TNRC6B: variants seen among roughly 807,000 people sequenced by gnomAD.
The protein encoded by TNRC6B is trinucleotide repeat containing adaptor 6B, also known as trinucleotide repeat-containing gene 6B protein.
TNRC6B carries 52 observed loss-of-function variants against 203.6 expected under a neutral mutation model. The observed-to-expected ratio is 0.26, with a 90% CI of 0.20 to 0.32. The LOEUF is 0.32. TNRC6B is among the 10% of genes least tolerant of loss of function. The pLI, the probability that TNRC6B is intolerant of heterozygous loss-of-function variation, is 1.00. For synonymous variants in TNRC6B, 838 were observed against 845.7 expected (o/e 0.99, Z 0.16); for missense variants, 1,923 against 2,286.2 (o/e 0.84, Z 3.24).
At chr22:40,312,676 A>C in intron 18 of TNRC6B, 25 bp downstream of exon 18, 9 of 1,600,650 alleles carry the variant, frequency 5.6e-6, no homozygotes, top group Non-Finnish European at 7.7e-6. Flanking sequence ...CATCTCTTAT[A>C]TGTTCAACAC....
At chr22:40,105,159 T>C (rs1191880707) in intron 1 of TNRC6B, among the ~76,000 whole-genome samples, 1 of 152,220 alleles carries the variant, frequency 6.6e-6, no homozygotes, top group African/African-American at 2.4e-5. Context: ...AAGACAAGGC[T>C]GAGGATGAAG....
intron 4 of TNRC6B, 27 bp from the exon 5 acceptor site, chr22:40,264,661 T>G: frequency 6.5e-7 from 1 of 1,543,834 alleles, no homozygotes; most frequent in Non-Finnish European, 8.7e-7. Flanking sequence ...TTTGAAGCTG[T>G]GATTAATAAG....
upstream of TNRC6B, chr22:40,177,874 G>A: frequency 7.6e-7 from 1 of 1,308,734 alleles, no homozygotes; most frequent in Non-Finnish European, 9.7e-7. Flanking sequence ...AAACCTACCC[G>A]AAGTCACATG....
At chr22:40,179,551 A>G (rs980662908) in intron 1 of TNRC6B, among the ~76,000 whole-genome samples, 4 of 152,250 alleles carry the variant, frequency 2.6e-5, no homozygotes, top group African/African-American at 9.6e-5. Context: ...TATCCCCATC[A>G]TTAAATATGT....
chr22:40,303,021 CCTTCTTCTTCTT>C (rs1218031533), intron 15 of TNRC6B, among the ~76,000 whole-genome samples: 3 of 140,402 alleles, frequency 2.1e-5, no homozygotes, highest in Non-Finnish European at 4.7e-5. Context: ...TGCTGTATTT[CCTTCTTCTTCTT>C]CTTCTTCTTC....
intron 4 of TNRC6B, among the ~76,000 whole-genome samples, chr22:40,157,136 A>C (rs1191102882): frequency 1.3e-5 from 2 of 152,008 alleles, no homozygotes; most frequent in African/African-American, 4.8e-5. Flanking sequence ...GATAGCAGTG[A>C]GTGAATTTTT....
intron 4 of TNRC6B, among the ~76,000 whole-genome samples, chr22:40,159,303 C>G (rs755820770): frequency 2.0e-5 from 3 of 148,956 alleles, no homozygotes; most frequent in African/African-American, 4.9e-5. Context: ...GTAATATAAG[C>G]TTGTCAGAAA....
At chr22:40,150,544 T>C (rs2068741865) in intron 3 of TNRC6B, among the ~76,000 whole-genome samples, 1 of 152,162 alleles carries the variant, frequency 6.6e-6, no homozygotes, top group Non-Finnish European at 1.5e-5. Context: ...GAAGAGGCGA[T>C]GAGAAGCAAG....
At chr22:40,273,318 T>C (rs1383397017) in intron 6 of TNRC6B, 107 bp from the exon 7 acceptor site, 2 of 1,023,534 alleles carry the variant, frequency 2.0e-6, no homozygotes, top group Non-Finnish European at 2.7e-6. Flanking sequence ...GGAGATGGAG[T>C]AGATAAAATT....
Position 40,242,453 on chromosome 22 carries a change from G to A in TNRC6B, c.6-3562G>A, listed in dbSNP as rs190779809. On this transcript the variant is annotated intron_variant, in intron 1 of 22. Transcript: ENST00000454349. ...TTTCTTTTCTTTTTTTTTTTGAGAC[G>A]GAATTTCGCTCTTGTTGCCCAGGCT... Among the ~76,000 whole-genome samples, 9 of 150,046 alleles carry A rather than the reference G, an allele frequency of 6.0e-5. No homozygotes were observed. In the East Asian group the frequency reaches 9.7e-4, roughly 16 times the overall value.
intron 12 of TNRC6B, among the ~76,000 whole-genome samples, chr22:40,297,199 G>A (rs1226634899): frequency 3.3e-5 from 5 of 152,212 alleles, no homozygotes; most frequent in African/African-American, 1.2e-4. Context: ...TTTTGGATGA[G>A]ATGGAAATAT....
chr22:40,069,574 G>A (rs1216281277), intron 1 of TNRC6B, among the ~76,000 whole-genome samples: 7 of 149,048 alleles, frequency 4.7e-5, no homozygotes, highest in Admixed American at 3.4e-4. Flanking sequence ...CGCAACCTCC[G>A]CCTCCTAGGT....
Position 40,323,001 on chromosome 22 carries a change from C to A in TNRC6B, c.5262C>A (p.Asn1754Lys). Reference sequence around the variant, plus strand: ...GGCAGTCGCTGGAGACCGGCCAGAACCAGTCAGATCCCGTGGGACCTGCTC... The same window carrying A: ...GGCAGTCGCTGGAGACCGGCCAGAAACAGTCAGATCCCGTGGGACCTGCTC... ...AGWQSLETGQ[N>K]QSDPVGPALN... The change falls in exon 23 of 23, where the codon AAC becomes AAA. Residue 1754 changes from asparagine to lysine, a missense_variant. Coordinates refer to ENST00000454349, the MANE Select transcript of TNRC6B (RefSeq NM_001162501.2). 1 of 1,608,166 alleles carries A rather than the reference C, an allele frequency of 6.2e-7. No homozygotes were observed. The highest frequency in any genetic ancestry group is 8.5e-7 in the Non-Finnish European group (1 of 1,177,134).
At chr22:40,226,015 T>C (rs968941093) in intron 1 of TNRC6B, among the ~76,000 whole-genome samples, 5 of 152,022 alleles carry the variant, frequency 3.3e-5, no homozygotes, top group African/African-American at 1.2e-4. Flanking sequence ...ACTTTTTAGA[T>C]TTGAAGTCAT....
chr22:40,048,946 A>G (rs1040904152), intron 1 of TNRC6B, among the ~76,000 whole-genome samples: 1 of 151,534 alleles, frequency 6.6e-6, no homozygotes, highest in African/African-American at 2.4e-5. Context: ...CCCCCTCCCA[A>G]CTTCACTGGG....
chr22:40,093,281 A>G (rs1251705591), intron 1 of TNRC6B, among the ~76,000 whole-genome samples: 1 of 152,226 alleles, frequency 6.6e-6, no homozygotes, highest in East Asian at 1.9e-4. Flanking sequence ...CATAAAACCC[A>G]TAGAGACAGA....
chr22:40,071,205 C>G (rs937909109), intron 1 of TNRC6B, among the ~76,000 whole-genome samples: 4 of 152,146 alleles, frequency 2.6e-5, no homozygotes, highest in Non-Finnish European at 5.9e-5. Context: ...CACCTCTTCA[C>G]AAAGCTCAAT....
Position 40,265,152 on chromosome 22 carries a change from C to T in TNRC6B, c.922C>T (p.Pro308Ser). Reference protein sequence around the residue: ...GFSNFNPNSNPSAWPALVQEG... With the variant: ...GFSNFNPNSNSSAWPALVQEG... ...CAGCAACTTTAACCCAAATAGCAACCCATCTGCCTGGCCAGCACTGGTCCA... is the reference window on the plus strand; with the variant it reads ...CAGCAACTTTAACCCAAATAGCAACTCATCTGCCTGGCCAGCACTGGTCCA... The change falls in exon 5 of 23, where the codon CCA (proline) becomes TCA (serine). Residue 308 changes from proline to serine, a missense_variant. By Grantham distance (74) the Pro-to-Ser change is moderately conservative. Coordinates refer to ENST00000454349, the MANE Select transcript of TNRC6B (RefSeq NM_001162501.2). 3 of 1,613,964 alleles carry T rather than the reference C, an allele frequency of 1.9e-6. No homozygotes were observed. Among genetic ancestry groups the T allele is most frequent in the Non-Finnish European group, 2.5e-6 (3 of 1,179,882 alleles).
chr22:40,254,530 C>CA (rs1274829642), intron 3 of TNRC6B, among the ~76,000 whole-genome samples: 1 of 151,856 alleles, frequency 6.6e-6, no homozygotes, highest in African/African-American at 2.4e-5. Flanking sequence ...AAAAACAAAA[C>CA]AAAAAAAGAT....
Sources: gnomAD v4.1 joint callset for allele counts (sites outside exome capture counted in the v4.1 genomes callset) on GRCh38, gnomAD v4.1.1 for gene constraint, MANE v1.5 for transcripts, NCBI Gene and HGNC (gene_info 2026-07-23, HGNC 2026-07-21) for gene names.